Variants in FBLN2 observed in about 807,000 individuals in gnomAD.
The protein encoded by FBLN2 is fibulin-2.
A neutral mutation model predicts 123.7 loss-of-function variants in FBLN2; 81 were observed. The ratio of observed to expected loss-of-function variants is 0.65; its 90% CI spans 0.55 to 0.79. The LOEUF (loss-of-function observed/expected upper bound fraction) is 0.79. Among genes scored for constraint, FBLN2 ranks in the 30% least tolerant of loss-of-function variants. The pLI is 0.00. For missense variants in FBLN2, 1,603 were observed against 1,681.3 expected, an observed-to-expected ratio of 0.95 and a Z score of 0.81; for synonymous variants, 699 against 701.4, an observed-to-expected ratio of 1.00 and a Z score of 0.05.
chr3:13,603,249 T>TTTA (rs199918491), intron 2 of FBLN2, among the ~76,000 whole-genome samples: 1,595 of 149,738 alleles, frequency 0.011, 9 homozygotes, highest in Non-Finnish European at 0.015. Context: ...TTTTTTTTTT[T>TTTA]AATTATACTT....
intron 2 of FBLN2, among the ~76,000 whole-genome samples, chr3:13,572,089 C>T (rs1248644109): frequency 6.6e-6 from 1 of 152,252 alleles, no homozygotes; most frequent in Non-Finnish European, 1.5e-5. Context: ...AGCATGGCCA[C>T]CTCTGCCAAT....
Position 13,636,539 on chromosome 3 carries a change from T to G in FBLN2, c.3309T>G (p.Cys1103Trp). The change falls in exon 17 of 18, where the codon TGT (cysteine) becomes TGG (tryptophan). Residue 1103 changes from cysteine (C) to tryptophan (W), a missense_variant. Physicochemically the swap from Cys to Trp is radical, Grantham distance 215. Coordinates refer to ENST00000404922, the MANE Select transcript of FBLN2 (RefSeq NM_001004019.2). ...QGSFRCLRFE[C>W]PPNYVQVSKT... ...GCTTCCGCTGCCTGCGCTTCGAGTG[T>G]CCTCCCAACTATGTCCAAGTCTCCA... 6.2e-7 allele frequency: 1 copy of G among 1,613,590 alleles called. No individual in the cohort carries two copies. The highest frequency in any genetic ancestry group is 8.5e-7 in the Non-Finnish European group (1 of 1,179,766).
At position 13,616,219 on chromosome 3, in the gene FBLN2, C is replaced by T. The variant is rs568328151; in HGVS notation, c.1730-1857C>T. ...TGGCTCTAAGGGGAATGGTTGAGTACTGGTGTGAAGGCCAGGTTAGTACCC... is the reference window on the plus strand; with the variant it reads ...TGGCTCTAAGGGGAATGGTTGAGTATTGGTGTGAAGGCCAGGTTAGTACCC... On this transcript the variant is annotated intron_variant, in intron 5 of 17. Transcript: ENST00000404922. Among the ~76,000 whole-genome samples, 18 of 152,326 alleles carry T rather than the reference C, an allele frequency of 1.2e-4. No individual in the cohort carries two copies. In the South Asian group the frequency reaches 2.9e-3, roughly 25 times the overall value.
chr3:13,625,046 G>A (rs1705986551), intron 9 of FBLN2, among the ~76,000 whole-genome samples: 2 of 151,952 alleles, frequency 1.3e-5, no homozygotes, highest in Middle Eastern at 3.4e-3. Context: ...CTGAGTTGGT[G>A]GCCTCTGTGG....
intron 11 of FBLN2, among the ~76,000 whole-genome samples, chr3:13,628,688 A>G (rs541931700): frequency 1.3e-5 from 2 of 152,184 alleles, no homozygotes; most frequent in East Asian, 3.9e-4. Context: ...TGTTGGGCAG[A>G]TGTGAGAGGG....
At chr3:13,549,300 C>G in intron 1 of FBLN2, 92 bp downstream of exon 1, 1 of 844,978 alleles carries the variant, frequency 1.2e-6, no homozygotes, top group Non-Finnish European at 1.4e-6. Context: ...GCACCGACGG[C>G]TCGGCGGACC....
chr3:13,613,859 G>GAGC, intron 4 of FBLN2, 125 bp from the exon 5 acceptor site: 1 of 1,067,958 alleles, frequency 9.4e-7, no homozygotes, highest in Non-Finnish European at 1.3e-6. Flanking sequence ...TGCCCTGGGA[G>GAGC]AGCGCATAGT....
intron 1 of FBLN2, among the ~76,000 whole-genome samples, chr3:13,562,864 T>C (rs1703650458): frequency 6.6e-6 from 1 of 152,230 alleles, no homozygotes; most frequent in South Asian, 2.1e-4. Context: ...AGATATCTCA[T>C]AGAAGTGGAA....
chr3:13,609,496 T>A lies in FBLN2; in HGVS notation c.1419-17T>A. 1 of 1,533,082 alleles carries A rather than the reference T, an allele frequency of 6.5e-7. No individual in the cohort carries two copies. Among genetic ancestry groups the A allele is most frequent in the Non-Finnish European group, 8.8e-7 (1 of 1,138,618 alleles). The allele number at this position is 1,533,082 out of a possible 1,614,324, so 95.0% of individuals were successfully genotyped here. ...TGAGGTGGGCGACTGGGGGCTAAGT[T>A]ACCCCCTCTGTTTCAGGACAGCCCA... is the stretch of plus-strand genomic sequence containing the variant. On this transcript the variant is annotated splice_polypyrimidine_tract_variant and intron_variant, in intron 3 of 17. Coordinates refer to ENST00000404922, the MANE Select transcript of FBLN2 (RefSeq NM_001004019.2).
chr3:13,565,051 A>G (rs1414673423), intron 1 of FBLN2, among the ~76,000 whole-genome samples: 1 of 152,134 alleles, frequency 6.6e-6, no homozygotes, highest in Non-Finnish European at 1.5e-5. Flanking sequence ...AGGAGTGGGC[A>G]GGTCTCTAGG....
intron 2 of FBLN2, among the ~76,000 whole-genome samples, chr3:13,572,352 C>T (rs912843744): frequency 1.3e-5 from 2 of 152,246 alleles, no homozygotes; most frequent in Non-Finnish European, 2.9e-5. Context: ...TCCCATCAGT[C>T]CTTCCAGCAG....
At chr3:13,615,218 C>G (rs1705557234) in intron 5 of FBLN2, among the ~76,000 whole-genome samples, 1 of 152,216 alleles carries the variant, frequency 6.6e-6, no homozygotes. Context: ...AGCAGATGTC[C>G]TTTTTGTACA....
At position 13,564,624 on chromosome 3, in the gene FBLN2, C is replaced by G. The variant is rs372848588; in HGVS notation, c.-41-5691C>G. Among the ~76,000 whole-genome samples the G allele has an allele frequency of 6.6e-3, 999 of 152,288 alleles. 3 individuals carry two copies. The highest frequency in any genetic ancestry group is 0.011 in the South Asian group (54 of 4,820). ...TGTATTTGCTGGATCTCATCAGAGC[C>G]AGAAGGGTCAGAACTGGAGGTGGGA... On this transcript the variant is annotated intron_variant, in intron 1 of 17. Transcript: ENST00000404922.
chr3:13,619,112 T>C, intron 7 of FBLN2, 95 bp downstream of exon 7: 2 of 852,394 alleles, frequency 2.3e-6, no homozygotes, highest in Non-Finnish European at 3.7e-6. Context: ...GTGCTGGGTA[T>C]GTGCAAGATG....
At position 13,631,333 on chromosome 3, in the gene FBLN2, C is replaced by A. The variant is rs371133206; in HGVS notation, c.3090C>A (p.Ile1030=). ...LAEDGHTCTD[I]DECAQGAGIL... ...GGCTGAACCTCTCTCTGACAGACAT[C>A]GACGAGTGTGCTCAAGGCGCCGGCA... The change falls in exon 16 of 18, where the codon ATC becomes ATA. Residue 1030 remains isoleucine (I), a synonymous_variant. Transcript: ENST00000404922. The A allele has an allele frequency of 3.1e-6, 5 of 1,601,866 alleles. No homozygotes were observed. The African/African-American group carries it at 5.4e-5, about 17-fold the overall frequency.
rs374514002 is a variant in FBLN2, at chr3:13,558,015, G to A, written c.-42+8807G>A. Among the ~76,000 whole-genome samples, 21 of 152,262 alleles carry A rather than the reference G, an allele frequency of 1.4e-4. No homozygotes were observed. In the East Asian group the frequency reaches 3.9e-3, roughly 28 times the overall value. On this transcript the variant is annotated intron_variant, in intron 1 of 17. Coordinates refer to ENST00000404922, the MANE Select transcript of FBLN2 (RefSeq NM_001004019.2). ...TATACCACAGACTGGGCCAGACCCC[G>A]CTGTTGGTTGTACACTGGCCGCCTC...
intron 2 of FBLN2, among the ~76,000 whole-genome samples, chr3:13,585,322 T>G (rs1191335985): frequency 2.0e-5 from 3 of 152,124 alleles, no homozygotes; most frequent in Non-Finnish European, 2.9e-5. Flanking sequence ...ACTTTGAGTG[T>G]GCAGAGTGGC....
chr3:13,573,030 C>T (rs1019388690), intron 2 of FBLN2, among the ~76,000 whole-genome samples: 1 of 152,164 alleles, frequency 6.6e-6, no homozygotes, highest in African/African-American at 2.4e-5. Context: ...GTGGATAACC[C>T]TGTGCTGCCA....
At chr3:13,582,743 G>A (rs1019393521) in intron 2 of FBLN2, among the ~76,000 whole-genome samples, 2 of 152,252 alleles carry the variant, frequency 1.3e-5, no homozygotes, top group East Asian at 1.9e-4. Context: ...AGGAGCAGGC[G>A]GGCTAACGGC....
Sources: allele counts gnomAD v4.1 joint callset (sites outside exome capture counted in the v4.1 genomes callset), GRCh38; gene constraint gnomAD v4.1.1; transcripts MANE v1.5; gene names NCBI Gene and HGNC (gene_info 2026-07-23, HGNC 2026-07-21).